The following ATP8A1 variants were observed in gnomAD, a reference collection of about 807,000 sequenced individuals.
ATP8A1 encodes the protein ATPase phospholipid transporting 8A1.
In ATP8A1, 90 loss-of-function variants were observed where a neutral mutation model predicts 177.7. That is an observed-to-expected ratio of 0.51 (90% CI 0.43 to 0.60). The LOEUF (loss-of-function observed/expected upper bound fraction) is 0.60, where lower values mean the gene tolerates loss of function less well. Ranked by LOEUF, ATP8A1 falls within the 20% of genes least tolerant of loss-of-function variation. The pLI is 0.00. For missense variants in ATP8A1, 1,072 were observed against 1,392.8 expected (o/e 0.77, Z 3.67); for synonymous variants, 493 against 485.9 (o/e 1.01, Z -0.19).
chr4:42,628,386 A>T (rs1374059209), intron 1 of ATP8A1, among the ~76,000 whole-genome samples: 4 of 152,152 alleles, frequency 2.6e-5, no homozygotes, highest in Non-Finnish European at 4.4e-5. Flanking sequence ...GGGAGAGCAA[A>T]CAGGGCAGTG....
chr4:42,575,894 T>C (rs1732394748), intron 12 of ATP8A1, among the ~76,000 whole-genome samples, 195 bp from the exon 13 acceptor site: 1 of 152,218 alleles, frequency 6.6e-6, no homozygotes, highest in Admixed American at 6.5e-5. Context: ...GACTACTATA[T>C]TCCACAGTAA....
chr4:42,456,979 T>C (rs1718557412), intron 27 of ATP8A1, among the ~76,000 whole-genome samples: 2 of 152,202 alleles, frequency 1.3e-5, no homozygotes, highest in African/African-American at 2.4e-5. Context: ...TGATTGAGCA[T>C]GTATAAAAAC....
intron 1 of ATP8A1, among the ~76,000 whole-genome samples, chr4:42,654,540 C>T (rs1189136703): frequency 6.6e-6 from 1 of 152,164 alleles, no homozygotes; most frequent in African/African-American, 2.4e-5. Context: ...ATTTTCTTTG[C>T]TATCTCTCTA....
chr4:42,580,824 G>A (rs1732959908), intron 10 of ATP8A1, among the ~76,000 whole-genome samples: 1 of 152,116 alleles, frequency 6.6e-6, no homozygotes, highest in Admixed American at 6.5e-5. Flanking sequence ...CTGTAGGCAG[G>A]TGTGAAGATC....
chr4:42,486,380 A>C (rs1722206185), intron 24 of ATP8A1, among the ~76,000 whole-genome samples: 1 of 152,194 alleles, frequency 6.6e-6, no homozygotes, highest in Admixed American at 6.6e-5. Flanking sequence ...GCAAATATTT[A>C]GGCTAAATTG....
At chr4:42,443,361 A>C (rs1716843333) in intron 33 of ATP8A1, among the ~76,000 whole-genome samples, 1 of 152,246 alleles carries the variant, frequency 6.6e-6, no homozygotes, top group African/African-American at 2.4e-5. Context: ...AAGGTAAGTC[A>C]GATTTAAGTA....
intron 20 of ATP8A1, among the ~76,000 whole-genome samples, chr4:42,535,966 C>G (rs1727783030): frequency 6.6e-6 from 1 of 152,102 alleles, no homozygotes; most frequent in Non-Finnish European, 1.5e-5. Flanking sequence ...ACAAGGGGTG[C>G]TAAGGGGAAA....
At chr4:42,479,667 G>C (rs897548470) in intron 25 of ATP8A1, among the ~76,000 whole-genome samples, 1 of 152,204 alleles carries the variant, frequency 6.6e-6, no homozygotes, top group Non-Finnish European at 1.5e-5. Context: ...AAGCTACAGA[G>C]CACTGCATTT....
chr4:42,501,894 C>A (rs1260413591), intron 24 of ATP8A1, among the ~76,000 whole-genome samples: 1 of 152,222 alleles, frequency 6.6e-6, no homozygotes, highest in Non-Finnish European at 1.5e-5. Context: ...GCCTGGCAGT[C>A]TGGAGCTGGA....
intron 1 of ATP8A1, among the ~76,000 whole-genome samples, chr4:42,632,158 AC>A (rs1330943900): frequency 6.6e-6 from 1 of 152,182 alleles, no homozygotes; most frequent in Non-Finnish European, 1.5e-5. Context: ...GTATGAAAGC[AC>A]ATTTGTATAG....
intron 27 of ATP8A1, among the ~76,000 whole-genome samples, chr4:42,456,742 A>G (rs1031875999): frequency 3.9e-5 from 6 of 152,156 alleles, no homozygotes; most frequent in Admixed American, 3.9e-4. Flanking sequence ...AAACCTAACA[A>G]CACCGACAAC....
chr4:42,599,954 CTT>C (rs1267148120), intron 6 of ATP8A1, among the ~76,000 whole-genome samples: 2 of 152,210 alleles, frequency 1.3e-5, no homozygotes, highest in African/African-American at 4.8e-5. Context: ...TAAATTATGA[CTT>C]AACCTACTAA....
At chr4:42,633,692 G>A (rs1279309278) in intron 1 of ATP8A1, among the ~76,000 whole-genome samples, 1 of 152,154 alleles carries the variant, frequency 6.6e-6, no homozygotes, top group Non-Finnish European at 1.5e-5. Flanking sequence ...GTGGTTGTAA[G>A]GACCCAGCGA....
intron 18 of ATP8A1, among the ~76,000 whole-genome samples, chr4:42,550,299 T>C (rs1473619104): frequency 9.2e-5 from 14 of 152,168 alleles, no homozygotes; most frequent in African/African-American, 2.9e-4. Context: ...TTTTATTGTT[T>C]AGATGTTCCA....
At chr4:42,581,431 C>T (rs1733064494) in intron 10 of ATP8A1, among the ~76,000 whole-genome samples, 190 bp downstream of exon 10, 1 of 152,206 alleles carries the variant, frequency 6.6e-6, no homozygotes, top group Non-Finnish European at 1.5e-5. Flanking sequence ...CCGCGCCCAG[C>T]CCAAGCCATT....
At chr4:42,466,845 G>A (rs144278978) in intron 25 of ATP8A1, among the ~76,000 whole-genome samples, 1 of 152,318 alleles carries the variant, frequency 6.6e-6, no homozygotes, top group Non-Finnish European at 1.5e-5. Context: ...TCCACTGGCT[G>A]TAGGCCAATG....
intron 1 of ATP8A1, among the ~76,000 whole-genome samples, chr4:42,630,415 C>G (rs1474493767): frequency 1.3e-5 from 2 of 152,182 alleles, no homozygotes; most frequent in Non-Finnish European, 2.9e-5. Context: ...ACTGAAAACT[C>G]TGACGCTTTT....
At position 42,542,982 on chromosome 4, in the gene ATP8A1, G is replaced by A. The variant is rs1251830635; in HGVS notation, c.1722+935C>T. ...TCTTCCTATCTCCAAAATGCAGTTCGAACTGTGATGGTAGAATGCATACAA... is the reference window on the plus strand; with the variant it reads ...TCTTCCTATCTCCAAAATGCAGTTCAAACTGTGATGGTAGAATGCATACAA... On this transcript the variant is annotated intron_variant, in intron 20 of 36. Coordinates refer to ENST00000381668, the MANE Select transcript of ATP8A1 (RefSeq NM_006095.2). Among the ~76,000 whole-genome samples the A allele has an allele frequency of 5.3e-5, 8 of 152,132 alleles. No individual in the cohort carries two copies. In the East Asian group the frequency reaches 5.8e-4, roughly 11 times the overall value.
intron 24 of ATP8A1, among the ~76,000 whole-genome samples, chr4:42,494,243 C>T (rs910642930): frequency 1.1e-4 from 15 of 139,448 alleles, no homozygotes; most frequent in Admixed American, 3.7e-4. Context: ...GAGGCCGAGG[C>T]GGGTGGATCA....
Sources: allele counts gnomAD v4.1 joint callset (sites outside exome capture counted in the v4.1 genomes callset), GRCh38; gene constraint gnomAD v4.1.1; transcripts MANE v1.5; gene names NCBI Gene and HGNC (gene_info 2026-07-23, HGNC 2026-07-21).